Variants in RBM25 observed in about 807,000 individuals in gnomAD.
The protein encoded by RBM25 is RNA binding motif protein 25.
RBM25 carries 19 observed loss-of-function variants against 120.7 expected under a neutral mutation model. The ratio of observed to expected loss-of-function variants is 0.16; its 90% CI spans 0.11 to 0.23. The LOEUF (loss-of-function observed/expected upper bound fraction) is 0.23. Ranked by LOEUF, RBM25 falls within the 10% of genes least tolerant of loss-of-function variation. The probability of loss-of-function intolerance (pLI) is 1.00; values close to 1 mark genes in which losing one functional copy is unlikely to be tolerated. For synonymous variants in RBM25, 390 were observed against 326.7 expected (o/e 1.19, Z -2.09); for missense variants, 605 against 1,041.5 (o/e 0.58, Z 5.77).
chr14:73,077,584 C>T (rs1895452170), intron 4 of RBM25, 48 bp downstream of exon 4: 3 of 1,455,540 alleles, frequency 2.1e-6, no homozygotes, highest in Non-Finnish European at 2.7e-6. Context: ...TATCATTCTA[C>T]ATTTCAAACT....
At chr14:73,094,843 CTGTG>C (rs755569413) in intron 6 of RBM25, among the ~76,000 whole-genome samples, 3 of 79,850 alleles carry the variant, frequency 3.8e-5, no homozygotes, top group Non-Finnish European at 5.8e-5. Context: ...GTGTGTGTGT[CTGTG>C]TGTGTGTGTG....
Position 73,110,715 on chromosome 14 carries a change from C to T in RBM25, c.1693-116C>T, listed in dbSNP as rs538900592. On this transcript the variant is annotated intron_variant, in intron 14 of 18. Coordinates refer to ENST00000261973, the MANE Select transcript of RBM25 (RefSeq NM_021239.3). ...AAGTGCTGGGATTACAGGCATGAGC[C>T]ACCATACCTGGCCTTTTCTCTTTTC... 18 of 1,260,344 alleles carry T rather than the reference C, an allele frequency of 1.4e-5. No homozygotes were observed. The South Asian group carries it at 2.9e-4, about 20-fold the overall frequency. The allele number at this position is 1,260,344 out of a possible 1,614,324, so 78.1% of individuals were successfully genotyped here.
chr14:73,070,296 T>C (rs1176061267), intron 1 of RBM25, among the ~76,000 whole-genome samples: 1 of 152,064 alleles, frequency 6.6e-6, no homozygotes, highest in African/African-American at 2.4e-5. Context: ...ACCTCAGGTT[T>C]TCCACCCGCT....
chr14:73,097,479 G>A (rs543738851), intron 7 of RBM25, among the ~76,000 whole-genome samples: 47 of 152,174 alleles, frequency 3.1e-4, no homozygotes, highest in East Asian at 7.7e-4. Flanking sequence ...GATTACAGGC[G>A]TGAGCCACCG....
At position 73,066,646 on chromosome 14, in the gene RBM25, CAAAAA is replaced by C. The variant is rs139152316; in HGVS notation, c.-15-4966_-15-4962del. Among the ~76,000 whole-genome samples, 271 of 121,482 alleles carry C rather than the reference CAAAAA, an allele frequency of 2.2e-3. 2 individuals are homozygous for C. Among genetic ancestry groups the C allele is most frequent in the African/African-American group, 7.6e-3 (248 of 32,544 alleles). The allele number at this position is 121,482 out of a possible 152,430, so 79.7% of individuals were successfully genotyped here. On this transcript the variant is annotated intron_variant, in intron 1 of 18. Transcript: ENST00000261973. ...TGGGTGACAGAGCAAGACTCCATCT[CAAAAA>C]AAAAAAAAAAAAAATGCATCCTAGG...
intron 17 of RBM25, among the ~76,000 whole-genome samples, chr14:73,113,872 A>G (rs1181879912): frequency 1.3e-5 from 2 of 152,192 alleles, no homozygotes; most frequent in Admixed American, 6.5e-5. Context: ...ACTAAGGTAT[A>G]TCTTCCCATT....
At chr14:73,088,855 T>G (rs1895746387) in intron 6 of RBM25, among the ~76,000 whole-genome samples, 1 of 152,182 alleles carries the variant, frequency 6.6e-6, no homozygotes. Context: ...TAGAAATCGC[T>G]TTTTGCTGGG....
At chr14:73,108,169 G>A (rs1896229269) in intron 13 of RBM25, among the ~76,000 whole-genome samples, 1 of 152,152 alleles carries the variant, frequency 6.6e-6, no homozygotes, top group South Asian at 2.1e-4. Flanking sequence ...TTTGTGTGTT[G>A]TAAATAGGTC....
At chr14:73,117,210 C>CTTTTTTCTTTTTTTTTTTTTTTTTTTTT (rs1896451166) in intron 18 of RBM25, among the ~76,000 whole-genome samples, 1 of 49,424 alleles carries the variant, frequency 2.0e-5, no homozygotes, top group African/African-American at 7.6e-5. Context: ...TTCTTCTTTT[C>CTTTTTTCTTTTTTTTTTTTTTTTTTTTT]TTTTTTTTTT....
intron 17 of RBM25, among the ~76,000 whole-genome samples, chr14:73,113,239 T>G (rs1658898245): frequency 6.6e-6 from 1 of 151,900 alleles, no homozygotes; most frequent in South Asian, 2.1e-4. Context: ...GGTGTTTGGT[T>G]TACACCAGGC....
chr14:73,117,202 C>CT (rs1896448475), intron 18 of RBM25, among the ~76,000 whole-genome samples: 1 of 47,768 alleles, frequency 2.1e-5, no homozygotes. Flanking sequence ...TAATTTCTTT[C>CT]TTCTTTTCTT....
intron 18 of RBM25, among the ~76,000 whole-genome samples, chr14:73,115,184 GTGTGTTT>G: frequency 1.3e-5 from 2 of 149,146 alleles, no homozygotes; most frequent in Non-Finnish European, 3.0e-5. Flanking sequence ...GTGTGTGTGT[GTGTGTTT>G]TAAGTCGGAT....
chr14:73,106,382 G>C, intron 12 of RBM25, 97 bp downstream of exon 12: 1 of 959,590 alleles, frequency 1.0e-6, no homozygotes, highest in Non-Finnish European at 1.5e-6. Context: ...AAATGCACAA[G>C]CTTCTCTATT....
At chr14:73,068,597 C>A in intron 1 of RBM25, 1 of 512,288 alleles carries the variant, frequency 2.0e-6, no homozygotes, top group Non-Finnish European at 3.7e-6. Context: ...CTGACCATGG[C>A]TCTGAGAAGT....
intron 7 of RBM25, 52 bp from the exon 8 acceptor site, chr14:73,099,328 A>G: frequency 5.3e-6 from 8 of 1,504,960 alleles, no homozygotes; most frequent in Non-Finnish European, 7.3e-6. Flanking sequence ...GCAGATTAGT[A>G]TGAGCTCTGT....
rs115341322 is a variant in RBM25, at chr14:73,085,325, A to T, written c.382+1774A>T. On this transcript the variant is annotated intron_variant, in intron 5 of 18. Coordinates refer to ENST00000261973, the MANE Select transcript of RBM25 (RefSeq NM_021239.3). ...AGCCACCGCGCCCGGCCTCATCAGT[A>T]GTCTGTTTTGAAGAATTCTGTCATT... Among the ~76,000 whole-genome samples, 2 of 130,442 alleles carry T rather than the reference A, an allele frequency of 1.5e-5. 1 individual carries two copies. The highest frequency in any genetic ancestry group is 3.5e-5 in the Non-Finnish European group (2 of 57,254). 85.6% of individuals were successfully genotyped at this position (130,442 alleles called of 152,430 possible).
At chr14:73,080,790 G>C (rs528201453) in intron 4 of RBM25, among the ~76,000 whole-genome samples, 1 of 149,988 alleles carries the variant, frequency 6.7e-6, no homozygotes, top group South Asian at 2.1e-4. Flanking sequence ...TGCTATGATT[G>C]TATTTTCTTT....
chr14:73,078,906 G>A (rs969010351), intron 4 of RBM25, among the ~76,000 whole-genome samples: 1 of 152,082 alleles, frequency 6.6e-6, no homozygotes, highest in African/African-American at 2.4e-5. Context: ...ACCTGGCTAG[G>A]GTTAATATTT....
intron 1 of RBM25, chr14:73,059,370 C>T (rs1313218280): frequency 1.3e-5 from 2 of 152,182 alleles, no homozygotes; most frequent in Non-Finnish European, 2.9e-5. Context: ...TGTATATCGC[C>T]ATTCATTCTA....
Sources: allele counts gnomAD v4.1 joint callset (sites outside exome capture counted in the v4.1 genomes callset), GRCh38; gene constraint gnomAD v4.1.1; transcripts MANE v1.5; gene names NCBI Gene and HGNC (gene_info 2026-07-23, HGNC 2026-07-21).